PCNX2: variants seen among roughly 807,000 people sequenced by gnomAD.
PCNX2 encodes the protein pecanex-like protein 2.
In PCNX2, 168 loss-of-function variants were observed where a neutral mutation model predicts 223.8. The ratio of observed to expected loss-of-function variants is 0.75; its 90% CI spans 0.66 to 0.85. The LOEUF is 0.85. PCNX2 is among the 40% of genes least tolerant of loss of function. The pLI, the probability that PCNX2 is intolerant of heterozygous loss-of-function variation, is 0.00. For synonymous variants in PCNX2, 1,006 were observed against 1,052.6 expected, an observed-to-expected ratio of 0.96 and a Z score of 0.86; for missense variants, 2,507 against 2,675.5, an observed-to-expected ratio of 0.94 and a Z score of 1.39.
intron 32 of PCNX2, among the ~76,000 whole-genome samples, chr1:232,996,875 G>T (rs778760629): frequency 1.3e-5 from 2 of 152,188 alleles, no homozygotes; most frequent in Non-Finnish European, 2.9e-5. Context: ...AGGACTAGGA[G>T]TCCTCCATCT....
intron 33 of PCNX2, 105 bp downstream of exon 33, chr1:232,985,987 G>C: frequency 1.6e-6 from 2 of 1,249,990 alleles, no homozygotes; most frequent in Non-Finnish European, 2.3e-6. Context: ...AGGGGATGGG[G>C]TTCTGCAGGC....
rs1210375569 is a variant in PCNX2, at chr1:233,018,983, C to G, written c.4606-1829G>C. ...GTGGAGTGGGCTGAGAAACCCTTTT[C>G]TAGGGGGGCCCCCACCCTCCCTCTC... On this transcript the variant is annotated intron_variant, in intron 26 of 33. Transcript: ENST00000258229. 14 of 985,298 alleles carry G rather than the reference C, an allele frequency of 1.4e-5. No homozygotes were observed. The Middle Eastern group carries it at 1.5e-3, about 109-fold the overall frequency. The allele number at this position is 985,298 out of a possible 1,614,324, so 61.0% of individuals were successfully genotyped here.
At chr1:233,084,208 C>T (rs550616159) in intron 23 of PCNX2, among the ~76,000 whole-genome samples, 1 of 152,258 alleles carries the variant, frequency 6.6e-6, no homozygotes, top group African/African-American at 2.4e-5. Flanking sequence ...GTTTGACCAA[C>T]CACAAAGCAC....
At position 232,999,288 on chromosome 1, in the gene PCNX2, T is replaced by C. The variant is rs1350963743; in HGVS notation, c.5420A>G (p.Gln1807Arg). 1 of 1,612,114 alleles carries C rather than the reference T, an allele frequency of 6.2e-7. No individual in the cohort carries two copies. The highest frequency in any genetic ancestry group is 1.1e-5 in the South Asian group (1 of 90,650). The stretch of plus-strand genomic sequence containing the variant: ...GTTCCGCAGGACCTGCTTATTGTTC[T>C]GGATACTGCCGCGCTCCGGATTGCG... ...RNRNPERGSI[Q>R]NNKQVLRNLI... The change falls in exon 31 of 34, where the codon CAG becomes CGG. Residue 1807 changes from glutamine (Q) to arginine (R), a missense_variant. By Grantham distance (43) the Gln-to-Arg change is conservative. Coordinates refer to ENST00000258229, the MANE Select transcript of PCNX2 (RefSeq NM_014801.4).
rs146269587 is a variant in PCNX2 at position 233,057,356 on chromosome 1, T to C, written c.4077-66A>G. The C allele has an allele frequency of 5.0e-4, 635 of 1,267,080 alleles. 5 individuals carry two copies. In the African/African-American group the frequency reaches 7.6e-3, roughly 15 times the overall value. 78.5% of individuals were successfully genotyped at this position (1,267,080 alleles called of 1,614,324 possible). ...CCCCCCAAGCAGAAGAGTTGGTTTA[T>C]AGAACCAGCTGCATGAGTGGAAAAT... On this transcript the variant is annotated intron_variant, in intron 23 of 33. Coordinates refer to ENST00000258229, the MANE Select transcript of PCNX2 (RefSeq NM_014801.4).
chr1:233,067,940 G>C (rs1303439378), intron 23 of PCNX2, among the ~76,000 whole-genome samples: 1 of 152,156 alleles, frequency 6.6e-6, no homozygotes, highest in Non-Finnish European at 1.5e-5. Context: ...CCATGGGACT[G>C]TAATTAAAGA....
intron 19 of PCNX2, among the ~76,000 whole-genome samples, chr1:233,147,459 TGAG>T (rs1185620762): frequency 1.3e-5 from 2 of 151,646 alleles, no homozygotes; most frequent in Non-Finnish European, 2.9e-5. Flanking sequence ...TTGAGTAGGC[TGAG>T]GAGGAGAAGG....
Position 233,135,076 on chromosome 1 carries a change from G to A in PCNX2, c.3774C>T (p.Asp1258=), listed in dbSNP as rs754972231. Residue 1258 remains aspartate, a synonymous_variant, in exon 21 of 34, where the codon GAC becomes GAT. Coordinates refer to ENST00000258229, the MANE Select transcript of PCNX2 (RefSeq NM_014801.4). The stretch of plus-strand genomic sequence containing the variant: ...AGAAGCTCTCTGAAATATCTTTGTA[G>A]TCAAAGTGGAAAAAGATGACAGTGA... The part of the protein sequence containing the change: ...LSFTVIFFHF[D]YKDISESFLL... The A allele has an allele frequency of 2.5e-6, 4 of 1,612,742 alleles. No homozygotes were observed. The highest frequency in any genetic ancestry group is 3.4e-6 in the Non-Finnish European group (4 of 1,178,730).
chr1:233,312,523 A>G, the PCNX2 span, among the ~76,000 whole-genome samples: 1 of 152,342 alleles, frequency 6.6e-6, no homozygotes, highest in East Asian at 1.9e-4. Flanking sequence ...AGATTTTTAC[A>G]TCAACTTTTA....
rs138596058 is a variant in PCNX2, at chr1:233,027,740, T to C, written c.4352-2341A>G. On this transcript the variant is annotated intron_variant, in intron 25 of 33. Coordinates refer to ENST00000258229, the MANE Select transcript of PCNX2 (RefSeq NM_014801.4). ...TTGCAGCTGCCTCTCTTCCTCCTCC[T>C]GCTTCTCTTTCTCTTCCCCTTCCCC... Among the ~76,000 whole-genome samples the C allele has an allele frequency of 4.8e-3, 735 of 152,284 alleles. 8 individuals carry two copies. The highest frequency in any genetic ancestry group is 0.016 in the African/African-American group (682 of 41,552).
chr1:233,233,055 G>A (rs1297249903), intron 9 of PCNX2: 1 of 982,886 alleles, frequency 1.0e-6, no homozygotes, highest in Admixed American at 6.2e-5. Context: ...TGCTGCCCTT[G>A]GGTAGACTGC....
intron 21 of PCNX2, among the ~76,000 whole-genome samples, chr1:233,110,631 T>C (rs1352282047): frequency 6.6e-6 from 1 of 152,056 alleles, no homozygotes; most frequent in Non-Finnish European, 1.5e-5. Flanking sequence ...TGTTTAGAAA[T>C]TTTTAATTGC....
intron 15 of PCNX2, among the ~76,000 whole-genome samples, chr1:233,189,176 G>C (rs1421796685): frequency 6.6e-6 from 1 of 152,212 alleles, no homozygotes; most frequent in African/African-American, 2.4e-5. Context: ...ATGTGAATTA[G>C]TCATGCACCC....
chr1:233,007,728 C>T (rs539651123), intron 28 of PCNX2, among the ~76,000 whole-genome samples: 11 of 151,318 alleles, frequency 7.3e-5, no homozygotes, highest in South Asian at 4.2e-4. Context: ...TTAGTAGAGA[C>T]GGGGTTTCAC....
intron 25 of PCNX2, among the ~76,000 whole-genome samples, chr1:233,034,446 A>G (rs1056984636): frequency 3.9e-5 from 6 of 152,204 alleles, no homozygotes; most frequent in Non-Finnish European, 8.8e-5. Flanking sequence ...AGCCTCCAGA[A>G]CTGTGAGAAA....
rs146951752 is a variant in PCNX2, at chr1:233,231,287, T to C, written c.2359-3916A>G. Among the ~76,000 whole-genome samples the C allele has an allele frequency of 3.2e-3, 494 of 152,224 alleles. 2 individuals are homozygous for C. Among genetic ancestry groups the C allele is most frequent in the African/African-American group, 0.011 (442 of 41,562 alleles). On this transcript the variant is annotated intron_variant, in intron 9 of 33. Transcript: ENST00000258229. ...TCAAGAGATAATACATATAGTCTCA[T>C]TGTGAGAGAACAAGTTAACAACACA... is the stretch of plus-strand genomic sequence containing the variant.
Position 232,999,142 on chromosome 1 carries a change from C to T in PCNX2, c.5566G>A (p.Asp1856Asn), listed in dbSNP as rs2102793268. The stretch of plus-strand genomic sequence containing the variant: ...GTCCAGAACCAGGTCCTAATTCTGT[C>T]CAAAGTGATGGGTCCACCCCAGATG... ...KNIWGGPITL[D>N]RIRTWFWTKW... Residue 1856 changes from aspartate (D) to asparagine (N), a missense_variant, in exon 31 of 34, where the codon GAC (aspartate) becomes AAC (asparagine). By Grantham distance (23) the Asp-to-Asn change is conservative. Coordinates refer to ENST00000258229, the MANE Select transcript of PCNX2 (RefSeq NM_014801.4). 6.2e-7 allele frequency: 1 copy of T among 1,613,630 alleles called. No individual in the cohort carries two copies. The highest frequency in any genetic ancestry group is 2.2e-5 in the East Asian group (1 of 44,864).
At chr1:233,091,439 C>CATAAACAT (rs1673866221) in intron 22 of PCNX2, among the ~76,000 whole-genome samples, 1 of 139,108 alleles carries the variant, frequency 7.2e-6, no homozygotes, top group Non-Finnish European at 1.6e-5. Flanking sequence ...TAACGTTAAA[C>CATAAACAT]AAATTATGTG....
chr1:233,232,756 T>C (rs1658144716), intron 9 of PCNX2: 1 of 950,682 alleles, frequency 1.1e-6, no homozygotes, highest in Non-Finnish European at 1.3e-6. Flanking sequence ...TACCTTTATA[T>C]CTACCTAGAA....
Sources: gnomAD v4.1 joint callset for allele counts (sites outside exome capture counted in the v4.1 genomes callset) on GRCh38, gnomAD v4.1.1 for gene constraint, MANE v1.5 for transcripts, NCBI Gene and HGNC (gene_info 2026-07-23, HGNC 2026-07-21) for gene names.